ALMS1: variants seen among roughly 807,000 people sequenced by gnomAD.
The protein encoded by ALMS1 is centrosome-associated protein ALMS1.
Under a neutral mutation model 352.2 loss-of-function variants are expected in ALMS1, and 271 were observed. The ratio of observed to expected loss-of-function variants is 0.77; its 90% CI spans 0.70 to 0.85. ALMS1 has a LOEUF of 0.85. Ranked by LOEUF, ALMS1 falls within the 40% of genes least tolerant of loss-of-function variation. ALMS1 has a pLI of 0.00. For synonymous variants in ALMS1, 1,865 were observed against 1,761.2 expected (o/e 1.06, Z -1.48); for missense variants, 5,445 against 4,870.7 (o/e 1.12, Z -3.51).
At chr2:73,510,723 T>C (rs1480297158) in intron 10 of ALMS1, among the ~76,000 whole-genome samples, 1 of 152,188 alleles carries the variant, frequency 6.6e-6, no homozygotes, top group Admixed American at 6.5e-5. Flanking sequence ...ATTCTGTCCC[T>C]TAGCAGGGCT....
intron 15 of ALMS1, among the ~76,000 whole-genome samples, chr2:73,564,627 C>T (rs755599572): frequency 1.1e-4 from 16 of 152,080 alleles, no homozygotes; most frequent in Non-Finnish European, 1.5e-5. Context: ...CTTTTTGTCT[C>T]AGTAGATTTC....
chr2:73,541,655 A>C (rs921230518), intron 12 of ALMS1, among the ~76,000 whole-genome samples: 3 of 152,226 alleles, frequency 2.0e-5, no homozygotes, highest in African/African-American at 7.2e-5. Context: ...AGAAGAATCA[A>C]ATAGACGCAA....
chr2:73,489,645 T>G lies in ALMS1; in HGVS notation c.7686T>G (p.Ser2562Arg), dbSNP rs773449415. 6.2e-7 allele frequency: 1 copy of G among 1,614,096 alleles called. No individual in the cohort carries two copies. The highest frequency in any genetic ancestry group is 8.5e-7 in the Non-Finnish European group (1 of 1,180,030). Residue 2562 changes from serine (S) to arginine (R), a missense_variant, in exon 10 of 23, where the codon AGT becomes AGG. Transcript: ENST00000613296. ...RTTDLSKGLQ[S>R]PRGMGCKPEA... ...TTTGTATCTTCTAGGGTTTACAGAG[T>G]CCACGGGGAATGGGATGCAAGCCAG...
In ALMS1 at chr2:73,600,829, C is replaced by T. The variant is rs565546868; in HGVS notation, c.11820C>T (p.Thr3940=). Residue 3940 remains threonine (T), a synonymous_variant, in exon 18 of 23, where the codon ACC becomes ACT. Transcript: ENST00000613296. ...AACGTGAAGAGAAAATGCTCTTTAC[C>T]GGTTATCCTGAGGACAGAAAGTTAA... ...EEKREEKMLF[T]GYPEDRKLKK... 2.4e-5 allele frequency: 38 copies of T among 1,613,994 alleles called. No individual in the cohort carries two copies. The highest frequency in any genetic ancestry group is 8.8e-5 in the South Asian group (8 of 91,080).
intron 11 of ALMS1, among the ~76,000 whole-genome samples, chr2:73,522,507 A>G (rs1016535270): frequency 7.5e-5 from 9 of 119,312 alleles, no homozygotes; most frequent in East Asian, 2.4e-4. Flanking sequence ...GTCTCACTCT[A>G]TCTCCAGGTT....
chr2:73,436,966 A>G (rs1441131823), intron 7 of ALMS1, among the ~76,000 whole-genome samples: 1 of 152,090 alleles, frequency 6.6e-6, no homozygotes, highest in Non-Finnish European at 1.5e-5. Flanking sequence ...ATTGTTCTAA[A>G]CTGGACGTTT....
intron 2 of ALMS1, among the ~76,000 whole-genome samples, chr2:73,410,988 C>CAT (rs893025894): frequency 1.3e-5 from 2 of 151,980 alleles, no homozygotes; most frequent in Non-Finnish European, 2.9e-5. Context: ...CCATAAAAAA[C>CAT]ATAGTACCTG....
intron 6 of ALMS1, among the ~76,000 whole-genome samples, chr2:73,426,891 T>G (rs749615763): frequency 1.3e-5 from 2 of 152,238 alleles, no homozygotes; most frequent in Non-Finnish European, 2.9e-5. Context: ...TGAAAATACT[T>G]TATTTGAAAA....
rs75817596 is a variant in ALMS1, at chr2:73,474,183, T to G, written c.7675-15451T>G. Among the ~76,000 whole-genome samples, 971 of 152,186 alleles carry G rather than the reference T, an allele frequency of 6.4e-3. 11 individuals carry two copies. The highest frequency in any genetic ancestry group is 0.021 in the African/African-American group (860 of 41,536). ...GTTTTGAAGTCATAAAATACAAAAC[T>G]ATGAGCTTCTTACAAAGTTATTCCT... On this transcript the variant is annotated intron_variant, in intron 9 of 22. Transcript: ENST00000613296.
chr2:73,575,145 A>G (rs1391131017), intron 16 of ALMS1, among the ~76,000 whole-genome samples: 1 of 152,002 alleles, frequency 6.6e-6, no homozygotes, highest in East Asian at 1.9e-4. Context: ...GCATGTATAT[A>G]CCACATTTTG....
At chr2:73,570,584 G>A (rs1446124959) in intron 15 of ALMS1, among the ~76,000 whole-genome samples, 2 of 152,076 alleles carry the variant, frequency 1.3e-5, no homozygotes, top group Non-Finnish European at 2.9e-5. Context: ...GTACCTGGAG[G>A]AAGATGTGAG....
intron 8 of ALMS1, among the ~76,000 whole-genome samples, chr2:73,454,759 A>G (rs1291589077): frequency 1.3e-5 from 2 of 152,192 alleles, no homozygotes; most frequent in Non-Finnish European, 2.9e-5. Context: ...TTAACTTCCT[A>G]CGCTGTTCCC....
chr2:73,396,683 G>A (rs1309965090), intron 1 of ALMS1, among the ~76,000 whole-genome samples: 6 of 143,234 alleles, frequency 4.2e-5, no homozygotes, highest in African/African-American at 1.6e-4. Context: ...TTGCTCTGTC[G>A]CACAGGCTGG....
intron 13 of ALMS1, among the ~76,000 whole-genome samples, chr2:73,554,322 T>C (rs1483406711): frequency 6.6e-6 from 1 of 151,940 alleles, no homozygotes; most frequent in Non-Finnish European, 1.5e-5. Flanking sequence ...TGTGAGCTTA[T>C]ATGTATATTC....
chr2:73,455,879 C>G (rs745694883), intron 9 of ALMS1, among the ~76,000 whole-genome samples: 2 of 151,982 alleles, frequency 1.3e-5, no homozygotes, highest in Non-Finnish European at 2.9e-5. Context: ...AAATGTCACC[C>G]TTATTTTCTC....
chr2:73,605,600 A>T (rs1241175588), intron 21 of ALMS1, among the ~76,000 whole-genome samples: 1 of 152,154 alleles, frequency 6.6e-6, no homozygotes, highest in Admixed American at 6.5e-5. Context: ...TATAATCCCA[A>T]CACTTTGGGA....
At chr2:73,470,292 A>G (rs1279777440) in intron 9 of ALMS1, 1 of 150,622 alleles carries the variant, frequency 6.6e-6, no homozygotes, top group Non-Finnish European at 1.5e-5. Context: ...TGCTTATTTG[A>G]GATCTTTCTT....
At chr2:73,522,752 C>T (rs1016372305) in intron 11 of ALMS1, among the ~76,000 whole-genome samples, 5 of 152,152 alleles carry the variant, frequency 3.3e-5, no homozygotes, top group Admixed American at 6.5e-5. Flanking sequence ...CAGGCGTGAG[C>T]CACTGCGCCT....
chr2:73,487,359 G>C (rs1437258438), intron 9 of ALMS1, among the ~76,000 whole-genome samples: 1 of 152,138 alleles, frequency 6.6e-6, no homozygotes, highest in African/African-American at 2.4e-5. Flanking sequence ...TGCTGGCACT[G>C]GTGCTGGCGC....
Sources: gnomAD v4.1 joint callset for allele counts (sites outside exome capture counted in the v4.1 genomes callset) on GRCh38, gnomAD v4.1.1 for gene constraint, MANE v1.5 for transcripts, NCBI Gene and HGNC (gene_info 2026-07-23, HGNC 2026-07-21) for gene names.